The following ANK3 variants were observed in gnomAD, a reference collection of about 807,000 sequenced individuals.
ANK3 encodes the protein ankyrin-3.
ANK3 carries 57 observed loss-of-function variants against 370.9 expected under a neutral mutation model. The observed-to-expected ratio is 0.15, with a 90% CI of 0.12 to 0.19. The LOEUF is 0.19. ANK3 is among the 10% of genes least tolerant of loss of function. The pLI, the probability that ANK3 is intolerant of heterozygous loss-of-function variation, is 1.00. For missense variants in ANK3, 4,439 were observed against 5,302.1 expected, an observed-to-expected ratio of 0.84 and a Z score of 5.06; for synonymous variants, 1,929 against 1,946.3, an observed-to-expected ratio of 0.99 and a Z score of 0.23.
chr10:60,331,473 C>T lies in ANK3; in HGVS notation c.115-51834G>A, dbSNP rs191893040. Reference sequence around the variant, plus strand: ...GGTTGACGAGTTAACAGACGACTTACTTTAAAAAATTTCGACAATGGGATT... The same window carrying T: ...GGTTGACGAGTTAACAGACGACTTATTTTAAAAAATTTCGACAATGGGATT... On this transcript the variant is annotated intron_variant, in intron 1 of 43. Coordinates refer to ENST00000280772, the MANE Select transcript of ANK3 (RefSeq NM_020987.5). Among the ~76,000 whole-genome samples the T allele has an allele frequency of 1.8e-3, 265 of 150,608 alleles. 1 individual carries two copies. Among genetic ancestry groups the T allele is most frequent in the African/African-American group, 6.3e-3 (257 of 41,046 alleles).
chr10:60,549,007 C>T (rs918248279), intron 2 of ANK3, among the ~76,000 whole-genome samples: 1 of 152,102 alleles, frequency 6.6e-6, no homozygotes, highest in Non-Finnish European at 1.5e-5. Flanking sequence ...ATATTGTGGG[C>T]ATTTCCAATT....
rs137933224 is a variant in ANK3, at chr10:60,430,417, T to C, written c.97-150778A>G. Reference sequence around the variant, plus strand: ...GTCCATAGAGTGCAAGAGAAATGACTAGCCATCTGTTCATCAACTCCAAAC... The same window carrying C: ...GTCCATAGAGTGCAAGAGAAATGACCAGCCATCTGTTCATCAACTCCAAAC... On this transcript the variant is annotated intron_variant, in intron 2 of 43. Coordinates refer to the ANK3 transcript ENST00000373827. 3.5e-3 allele frequency among the ~76,000 whole-genome samples: 531 copies of C among 152,250 alleles called. 3 individuals are homozygous for C. Among genetic ancestry groups the C allele is most frequent in the African/African-American group, 0.012 (497 of 41,532 alleles).
Position 60,073,911 on chromosome 10 carries a change from G to T in ANK3, c.6970C>A (p.Pro2324Thr), listed in dbSNP as rs760998812. Residue 2324 changes from proline (P) to threonine (T), a missense_variant, in exon 37 of 44, where the codon CCC becomes ACC. This residue lies in a region of ANK3 where 1,601 missense variants were observed against 1,731.7 expected (regional missense o/e 0.92). Coordinates refer to ENST00000280772, the MANE Select transcript of ANK3 (RefSeq NM_020987.5). ...QHAEKDNQMK[P>T]KLERIIEVHI... ...ACTTCTATTATACGCTCCAGTTTGG[G>T]TTTCATTTGGTTGTCCTTCTCTGCA... The T allele has an allele frequency of 4.3e-6, 7 of 1,613,880 alleles. No homozygotes were observed. In the South Asian group the frequency reaches 7.7e-5, roughly 18 times the overall value.
chr10:60,148,709 A>G (rs1264817604), intron 23 of ANK3, among the ~76,000 whole-genome samples: 1 of 152,226 alleles, frequency 6.6e-6, no homozygotes, highest in South Asian at 2.1e-4. Context: ...GATTACTTAT[A>G]CTGTTCTCAT....
chr10:60,073,801 T>C lies in ANK3; in HGVS notation c.7080A>G (p.Val2360=). 6.2e-7 allele frequency: 1 copy of C among 1,613,644 alleles called. No homozygotes were observed. Among genetic ancestry groups the C allele is most frequent in the Non-Finnish European group, 8.5e-7 (1 of 1,180,002 alleles). ...TKKHPEKEMY[V]YQKDLSRGDI... ...CTCCCCGGGATAAGTCTTTCTGATA[T>C]ACATACATTTCTTTTTCTGGATGCT... Residue 2360 remains valine, a synonymous_variant, in exon 37 of 44, where the codon GTA becomes GTG. Coordinates refer to ENST00000280772, the MANE Select transcript of ANK3 (RefSeq NM_020987.5).
chr10:60,306,870 T>A (rs979736898), intron 1 of ANK3, among the ~76,000 whole-genome samples: 2 of 152,006 alleles, frequency 1.3e-5, no homozygotes, highest in African/African-American at 4.8e-5. Flanking sequence ...GCCTCCCGAG[T>A]AGTAGGTGTG....
At chr10:60,234,391 G>C (rs2097297936) in intron 8 of ANK3, among the ~76,000 whole-genome samples, 1 of 152,284 alleles carries the variant, frequency 6.6e-6, no homozygotes, top group East Asian at 1.9e-4. Context: ...AGAATAACTT[G>C]CAGTTTTAGT....
chr10:60,644,721 C>T (rs1387516498), intron 1 of ANK3, among the ~76,000 whole-genome samples: 1 of 151,418 alleles, frequency 6.6e-6, no homozygotes, highest in East Asian at 1.9e-4. Context: ...TGGAAGAGAT[C>T]ACGTATCTTA....
intron 2 of ANK3, among the ~76,000 whole-genome samples, chr10:60,519,836 C>T (rs1340586): frequency 0.5 from 76,016 of 151,824 alleles, 19,287 homozygotes; most frequent in Non-Finnish European, 0.54. Context: ...CTGGGAAATA[C>T]GGATGACATC....
At chr10:60,485,110 G>C (rs2075316615) in intron 2 of ANK3, among the ~76,000 whole-genome samples, 1 of 152,148 alleles carries the variant, frequency 6.6e-6, no homozygotes, top group Admixed American at 6.5e-5. Context: ...AATAGCACCA[G>C]AAAAACCTCT....
Position 60,106,074 on chromosome 10 carries a change from C to T in ANK3, c.3174-15G>A, listed in dbSNP as rs753195969. 1.9e-6 allele frequency: 3 copies of T among 1,592,382 alleles called. No individual in the cohort carries two copies. The highest frequency in any genetic ancestry group is 3.6e-5 in the Admixed American group (2 of 55,794). ...CTATGACAGGGCTGGAAAAAAAATC[C>T]ACATTATTTTGGTATCAAATTAAAT... On this transcript the variant is annotated splice_polypyrimidine_tract_variant and intron_variant, in intron 27 of 43. Coordinates refer to ENST00000280772, the MANE Select transcript of ANK3 (RefSeq NM_020987.5).
intron 1 of ANK3, among the ~76,000 whole-genome samples, chr10:60,628,380 C>T (rs775146332): frequency 2.6e-5 from 4 of 152,172 alleles, no homozygotes; most frequent in Admixed American, 6.5e-5. Flanking sequence ...AACATACCTC[C>T]TCTATGCAAG....
chr10:60,664,854 G>A (rs16915324), intron 1 of ANK3, among the ~76,000 whole-genome samples: 4 of 152,272 alleles, frequency 2.6e-5, no homozygotes, highest in East Asian at 1.9e-4. Context: ...GCTAAATGTC[G>A]ATTAAGAAGA....
At chr10:60,053,038 T>G (rs1455332158) in intron 42 of ANK3, among the ~76,000 whole-genome samples, 1 of 152,200 alleles carries the variant, frequency 6.6e-6, no homozygotes, top group Admixed American at 6.5e-5. Context: ...AATAATATGG[T>G]TTTAAAAGAA....
intron 28 of ANK3, among the ~76,000 whole-genome samples, chr10:60,101,720 A>C (rs2091286533): frequency 6.6e-6 from 1 of 152,196 alleles, no homozygotes; most frequent in Admixed American, 6.5e-5. Context: ...CGTTAGCAAA[A>C]CCACTGATAT....
chr10:60,109,165 C>T, intron 26 of ANK3, 111 bp from the exon 27 acceptor site: 5 of 790,010 alleles, frequency 6.3e-6, no homozygotes, highest in Non-Finnish European at 8.0e-6. Flanking sequence ...ATGTAGCTAT[C>T]ATTTCCTCTA....
chr10:60,551,672 AATTG>A (rs1269666499), intron 2 of ANK3, among the ~76,000 whole-genome samples: 3 of 152,208 alleles, frequency 2.0e-5, no homozygotes, highest in Non-Finnish European at 4.4e-5. Context: ...ATTATGACTG[AATTG>A]ATTATCACAC....
At chr10:60,462,169 G>A (rs2064901816) in intron 2 of ANK3, among the ~76,000 whole-genome samples, 1 of 151,564 alleles carries the variant, frequency 6.6e-6, no homozygotes, top group African/African-American at 2.4e-5. Context: ...CTAGATAACT[G>A]TTGACAAAGT....
intron 1 of ANK3, among the ~76,000 whole-genome samples, chr10:60,284,007 T>C (rs926045661): frequency 1.3e-5 from 2 of 152,100 alleles, no homozygotes; most frequent in African/African-American, 4.8e-5. Context: ...CCTCAGAACA[T>C]GACTATATTT....
Sources: gnomAD v4.1 joint callset for allele counts (sites outside exome capture counted in the v4.1 genomes callset) on GRCh38, gnomAD v4.1.1 for gene constraint, gnomAD v4.1.1 regional missense constraint, MANE v1.5 for transcripts, NCBI Gene and HGNC (gene_info 2026-07-23, HGNC 2026-07-21) for gene names.